The following WNK2 variants were observed in gnomAD, a reference collection of about 807,000 sequenced individuals.
WNK2 encodes serine/threonine-protein kinase WNK2.
In WNK2, 67 loss-of-function variants were observed where a neutral mutation model predicts 192.1. That is an observed-to-expected ratio of 0.35 (90% CI 0.29 to 0.43). WNK2 has a LOEUF of 0.43. WNK2 is among the 20% of genes least tolerant of loss of function. The pLI is 1.00. For synonymous variants in WNK2, 1,439 were observed against 1,393.9 expected (o/e 1.03, Z -0.72); for missense variants, 2,698 against 3,089.7 (o/e 0.87, Z 3.01).
Position 93,301,309 on chromosome 9 carries a change from G to A in WNK2, c.6214+1160G>A, listed in dbSNP as rs577332762. ...TGCTTGTACAATAAAGATACATTGT[G>A]CTTGTTGGGAGCCAGAGGCCATGCC... On this transcript the variant is annotated intron_variant, in intron 26 of 29. Coordinates refer to ENST00000427277, the MANE Select transcript of WNK2 (RefSeq NM_006648.4). Among the ~76,000 whole-genome samples the A allele has an allele frequency of 5.1e-3, 774 of 152,360 alleles. 5 individuals carry two copies. Among genetic ancestry groups the A allele is most frequent in the Middle Eastern group, 0.017 (5 of 294 alleles).
chr9:93,236,492 C>T (rs1191821206), intron 5 of WNK2, among the ~76,000 whole-genome samples: 4 of 152,226 alleles, frequency 2.6e-5, no homozygotes, highest in African/African-American at 7.2e-5. Flanking sequence ...GGAGAAAGAA[C>T]GTGATAGTTG....
intron 7 of WNK2, among the ~76,000 whole-genome samples, chr9:93,245,070 G>T: frequency 6.6e-6 from 1 of 151,582 alleles, no homozygotes; most frequent in African/African-American, 2.4e-5. Context: ...GACTGACCAG[G>T]GCTGTTTCTG....
chr9:93,207,574 T>C (rs1204463702), intron 2 of WNK2, among the ~76,000 whole-genome samples: 1 of 152,224 alleles, frequency 6.6e-6, no homozygotes, highest in Non-Finnish European at 1.5e-5. Context: ...CTGTCTCCAG[T>C]GAGTGTATTT....
chr9:93,189,223 A>C (rs1458093163), intron 2 of WNK2, among the ~76,000 whole-genome samples: 1 of 152,056 alleles, frequency 6.6e-6, no homozygotes, highest in African/African-American at 2.4e-5. Flanking sequence ...TCCCTACTTT[A>C]GGGGACACAG....
chr9:93,276,687 T>C (rs2133455077), intron 19 of WNK2, among the ~76,000 whole-genome samples: 1 of 152,320 alleles, frequency 6.6e-6, no homozygotes, highest in East Asian at 1.9e-4. Context: ...CAACATAGTG[T>C]CTGTGCTAGG....
intron 27 of WNK2, 81 bp downstream of exon 27, chr9:93,306,902 G>T (rs370573192): frequency 1.3e-6 from 2 of 1,588,786 alleles, no homozygotes; most frequent in Non-Finnish European, 8.6e-7. Context: ...GGGTTCCCGC[G>T]GCCGGGCGGG....
rs1353667471 is a variant in WNK2 at position 93,308,797 on chromosome 9, A to G, written c.6516+213A>G. On this transcript the variant is annotated intron_variant, in intron 28 of 29. Transcript: ENST00000427277. Reference sequence around the variant, plus strand: ...CCACAGCTCCGCAGCTGGCAGGTGGAAAGGACAGGCCAGGCCAGGCCAGGC... The same window carrying G: ...CCACAGCTCCGCAGCTGGCAGGTGGGAAGGACAGGCCAGGCCAGGCCAGGC... 5.6e-6 allele frequency: 8 copies of G among 1,423,002 alleles called. No individual in the cohort carries two copies. The South Asian group carries it at 9.1e-5, about 16-fold the overall frequency. The allele number at this position is 1,423,002 out of a possible 1,614,324, so 88.1% of individuals were successfully genotyped here. A position where few individuals can be genotyped will look rare whatever the true frequency, so the allele number is the denominator to read the frequency against.
intron 28 of WNK2, among the ~76,000 whole-genome samples, chr9:93,310,254 C>G (rs1853400470): frequency 6.6e-6 from 1 of 152,160 alleles, no homozygotes; most frequent in Non-Finnish European, 1.5e-5. Context: ...TATTCTAGGA[C>G]AAAGTCAGGA....
At chr9:93,291,323 A>AT (rs1849310158) in intron 21 of WNK2, among the ~76,000 whole-genome samples, 1 of 152,176 alleles carries the variant, frequency 6.6e-6, no homozygotes, top group South Asian at 2.1e-4. Flanking sequence ...CTTGCAAATG[A>AT]TATAACTTGT....
At chr9:93,196,271 G>GTGCT (rs1185030241) in intron 2 of WNK2, among the ~76,000 whole-genome samples, 1 of 152,130 alleles carries the variant, frequency 6.6e-6, no homozygotes, top group Non-Finnish European at 1.5e-5. Flanking sequence ...GGCACTGTGC[G>GTGCT]TGCTTGCTCT....
intron 25 of WNK2, 46 bp downstream of exon 25, chr9:93,299,307 G>C (rs377639067): frequency 3.9e-6 from 6 of 1,530,398 alleles, no homozygotes; most frequent in Non-Finnish European, 5.3e-6. Context: ...AGCCACGTAG[G>C]GCCTCAGTGG....
At chr9:93,254,224 G>A (rs1381594236) in intron 9 of WNK2, among the ~76,000 whole-genome samples, 1 of 152,194 alleles carries the variant, frequency 6.6e-6, no homozygotes, top group Non-Finnish European at 1.5e-5. Context: ...GCCTCAGAGG[G>A]TGGTTTATGG....
chr9:93,255,714 T>C (rs1843183917), intron 9 of WNK2, among the ~76,000 whole-genome samples: 1 of 152,202 alleles, frequency 6.6e-6, no homozygotes, highest in Non-Finnish European at 1.5e-5. Flanking sequence ...CTGTAAATGA[T>C]TCAGCCTCTG....
chr9:93,205,075 G>C (rs1833118918), intron 2 of WNK2, among the ~76,000 whole-genome samples: 1 of 152,198 alleles, frequency 6.6e-6, no homozygotes, highest in Admixed American at 6.5e-5. Flanking sequence ...TCAGATCAGA[G>C]CTGTGTTAAC....
At chr9:93,186,132 G>A (rs538014148) in intron 2 of WNK2, among the ~76,000 whole-genome samples, 9 of 152,320 alleles carry the variant, frequency 5.9e-5, no homozygotes, top group Admixed American at 5.2e-4. Flanking sequence ...TACCTGCAGA[G>A]ACTTCTTCTG....
chr9:93,197,555 C>A (rs549623423), intron 2 of WNK2, among the ~76,000 whole-genome samples: 1 of 152,048 alleles, frequency 6.6e-6, no homozygotes, highest in African/African-American at 2.4e-5. Flanking sequence ...TTGAGGGAGT[C>A]TTGCTCTGTC....
intron 19 of WNK2, among the ~76,000 whole-genome samples, chr9:93,281,879 A>G (rs1414013281): frequency 3.3e-5 from 5 of 152,158 alleles, no homozygotes; most frequent in African/African-American, 9.7e-5. Context: ...ATAAGCCCCA[A>G]CCTCAAATAT....
chr9:93,298,279 G>T (rs184334082), intron 24 of WNK2, among the ~76,000 whole-genome samples: 1 of 152,258 alleles, frequency 6.6e-6, no homozygotes, highest in East Asian at 1.9e-4. Flanking sequence ...GGCAAGGCCC[G>T]TGAGTGGGCA....
chr9:93,192,314 GAAAA>G (rs1052238373), intron 2 of WNK2, among the ~76,000 whole-genome samples: 1 of 136,254 alleles, frequency 7.3e-6, no homozygotes, highest in Non-Finnish European at 1.6e-5. Context: ...TCCGTCTCAA[GAAAA>G]AAAAAAAAGA....
Sources: allele counts gnomAD v4.1 joint callset (sites outside exome capture counted in the v4.1 genomes callset), GRCh38; gene constraint gnomAD v4.1.1; transcripts MANE v1.5; gene names NCBI Gene and HGNC (gene_info 2026-07-23, HGNC 2026-07-21).